PYM1: variants seen among roughly 807,000 people sequenced by gnomAD.
PYM1 encodes the protein partner of Y14 and mago.
A neutral mutation model predicts 20.7 loss-of-function variants in PYM1; 7 were observed. That is an observed-to-expected ratio of 0.34 (90% CI 0.19 to 0.64). The LOEUF is 0.64. PYM1 is among the 30% of genes least tolerant of loss of function. The pLI, the probability that PYM1 is intolerant of heterozygous loss-of-function variation, is 0.74. For missense variants in PYM1, 194 were observed against 250.0 expected (o/e 0.78, Z 1.51); for synonymous variants, 100 against 99.2 (o/e 1.01, Z -0.05).
rs1012772072 is a variant in PYM1, at chr12:55,906,113, A to G, written c.38-2633T>C. On this transcript the variant is annotated intron_variant, in intron 1 of 2. Transcript: ENST00000408946. The stretch of plus-strand genomic sequence containing the variant: ...TTCCTTCATTTTCAGGAAAATGATC[A>G]TTGGATAGTCAGGTCTGAATTACCA... Among the ~76,000 whole-genome samples, 3 of 149,586 alleles carry G rather than the reference A, an allele frequency of 2.0e-5. No homozygotes were observed. The Admixed American group carries it at 2.0e-4, about 10-fold the overall frequency.
At chr12:55,903,667 C>T (rs1408426918) in intron 1 of PYM1, among the ~76,000 whole-genome samples, 187 bp from the exon 2 acceptor site, 1 of 151,966 alleles carries the variant, frequency 6.6e-6, no homozygotes, top group Non-Finnish European at 1.5e-5. Context: ...GCCAATACAC[C>T]GTACAAGAAA....
chr12:55,910,911 T>C (rs1015922757), intron 1 of PYM1, among the ~76,000 whole-genome samples: 2 of 152,156 alleles, frequency 1.3e-5, no homozygotes, highest in East Asian at 1.9e-4. Flanking sequence ...CTGAGATCGA[T>C]AGAAAGGTTC....
chr12:55,926,197 GATC>G (rs1161078658), intron 1 of PYM1, among the ~76,000 whole-genome samples: 1 of 152,152 alleles, frequency 6.6e-6, no homozygotes, highest in Non-Finnish European at 1.5e-5. Context: ...TATATTATTT[GATC>G]ATCATTGAGT....
rs774899171 is a variant in PYM1, at chr12:55,902,326, T to C, written c.161A>G (p.Lys54Arg). Residue 54 changes from lysine (K) to arginine (R), a missense_variant, in exon 3 of 3, where the codon AAG becomes AGG. Around this residue, in one of 3 missense-constraint regions of PYM1, gnomAD observed 158 missense variants for 179.0 expected, o/e 0.88. Transcript: ENST00000408946. The stretch of plus-strand genomic sequence containing the variant: ...CCCTGGGGGCAACTCTGGTTTACTC[T>C]TGAAAAACTTCACATACTTGTTTTC... Reference protein sequence around the residue: ...VYENKYVKFFKSKPELPPGLS... With the variant: ...VYENKYVKFFRSKPELPPGLS... The C allele has an allele frequency of 1.2e-6, 2 of 1,611,394 alleles. No homozygotes were observed. The highest frequency in any genetic ancestry group is 1.3e-5 in the African/African-American group (1 of 74,814).
chr12:55,922,037 C>T (rs1165157635), intron 1 of PYM1, among the ~76,000 whole-genome samples: 2 of 151,850 alleles, frequency 1.3e-5, no homozygotes, highest in Non-Finnish European at 2.9e-5. Flanking sequence ...CCTTACCCAG[C>T]TCGTTTTTTT....
intron 1 of PYM1, among the ~76,000 whole-genome samples, chr12:55,913,026 A>T (rs1882951708): frequency 6.6e-6 from 1 of 151,962 alleles, no homozygotes; most frequent in Admixed American, 6.6e-5. Flanking sequence ...CCATGTCTCT[A>T]TTCTCTGTAC....
At chr12:55,905,033 G>A (rs1444863445) in intron 1 of PYM1, among the ~76,000 whole-genome samples, 3 of 150,904 alleles carry the variant, frequency 2.0e-5, no homozygotes, top group African/African-American at 7.3e-5. Flanking sequence ...ACAGAGTCTC[G>A]CTCTGTCGCC....
At chr12:55,927,359 G>T in intron 1 of PYM1, 1 of 725,866 alleles carries the variant, frequency 1.4e-6, no homozygotes. Flanking sequence ...TCCTCAGGGA[G>T]CCAAGAGAAG....
intron 1 of PYM1, among the ~76,000 whole-genome samples, chr12:55,908,553 T>C (rs1882865628): frequency 6.6e-6 from 1 of 152,090 alleles, no homozygotes; most frequent in Non-Finnish European, 1.5e-5. Flanking sequence ...ATATCATTAA[T>C]ACATTAAAAC....
chr12:55,921,223 C>G (rs1174503698), intron 1 of PYM1, among the ~76,000 whole-genome samples: 4 of 152,206 alleles, frequency 2.6e-5, no homozygotes, highest in Non-Finnish European at 5.9e-5. Flanking sequence ...ATGACCCTTA[C>G]ATAATAGTAA....
chr12:55,924,374 T>G (rs705710), intron 1 of PYM1, among the ~76,000 whole-genome samples: 5,842 of 152,080 alleles, frequency 0.038, 382 homozygotes, highest in African/African-American at 0.13. Context: ...GCCAGGTGCA[T>G]GCTCACACCT....
intron 1 of PYM1, among the ~76,000 whole-genome samples, chr12:55,917,056 C>T (rs962957578): frequency 1.3e-5 from 2 of 151,992 alleles, no homozygotes; most frequent in Non-Finnish European, 1.5e-5. Flanking sequence ...AAACTGCAAT[C>T]ACACCACTGT....
chr12:55,927,683 C>A, intron 1 of PYM1, 42 bp downstream of exon 1: 2 of 1,537,380 alleles, frequency 1.3e-6, no homozygotes, highest in Non-Finnish European at 8.7e-7. Flanking sequence ...CAGAGACCCG[C>A]GGGAGGGGCG....
chr12:55,924,172 G>C (rs542750699), intron 1 of PYM1, among the ~76,000 whole-genome samples: 1 of 152,200 alleles, frequency 6.6e-6, no homozygotes, highest in South Asian at 2.1e-4. Context: ...AACTGATACT[G>C]GTTTTGGTCA....
At chr12:55,908,849 C>T (rs1390543392) in intron 1 of PYM1, among the ~76,000 whole-genome samples, 1 of 151,054 alleles carries the variant, frequency 6.6e-6, no homozygotes, top group African/African-American at 2.4e-5. Context: ...AAGACTCTGT[C>T]TCCAAAAAAA....
chr12:55,913,615 C>T lies in PYM1; in HGVS notation c.38-10135G>A, dbSNP rs1378423546. On this transcript the variant is annotated intron_variant, in intron 1 of 2. Transcript: ENST00000408946. The stretch of plus-strand genomic sequence containing the variant: ...ACAGCTGCAATGTGAAAAGACTTGA[C>T]TTCGATGGTTTCTACAGGTAATGAA... The T allele has an allele frequency of 4.6e-5, 7 of 152,242 alleles. No homozygotes were observed. In the East Asian group the frequency reaches 1.3e-3, roughly 29 times the overall value. 9.4% of individuals were successfully genotyped at this position (152,242 alleles called of 1,614,324 possible). A position where few individuals can be genotyped will look rare whatever the true frequency, so the allele number is the denominator to read the frequency against.
chr12:55,926,768 G>T (rs1246928848), intron 1 of PYM1, among the ~76,000 whole-genome samples: 6 of 152,154 alleles, frequency 3.9e-5, no homozygotes, highest in African/African-American at 1.4e-4. Flanking sequence ...AAGCCCCCAA[G>T]CCTGAAGAAC....
Position 55,911,770 on chromosome 12 carries a change from G to C in PYM1, c.38-8290C>G, listed in dbSNP as rs184502562. On this transcript the variant is annotated intron_variant, in intron 1 of 2. Coordinates refer to ENST00000408946, the MANE Select transcript of PYM1 (RefSeq NM_032345.3). ...GCAGGAGAATCACTTGATCCCAGGA[G>C]GGGGAGGTTGCAATGAGCCGAGACT... Among the ~76,000 whole-genome samples, 95 of 152,006 alleles carry C rather than the reference G, an allele frequency of 6.2e-4. No homozygotes were observed. The Middle Eastern group carries it at 0.014, about 22-fold the overall frequency.
chr12:55,904,777 C>T (rs550800299), intron 1 of PYM1, among the ~76,000 whole-genome samples: 3 of 151,040 alleles, frequency 2.0e-5, no homozygotes, highest in Admixed American at 1.3e-4. Context: ...CTGGGGAGGC[C>T]GAGGCACGAG....
Sources: gnomAD v4.1 joint callset for allele counts (sites outside exome capture counted in the v4.1 genomes callset) on GRCh38, gnomAD v4.1.1 for gene constraint, gnomAD v4.1.1 regional missense constraint, MANE v1.5 for transcripts, NCBI Gene and HGNC (gene_info 2026-07-23, HGNC 2026-07-21) for gene names.